The following PTPRD variants were observed in gnomAD, a reference collection of about 807,000 sequenced individuals.
PTPRD encodes the protein protein tyrosine phosphatase receptor type D, also known as receptor-type tyrosine-protein phosphatase delta.
PTPRD carries 34 observed loss-of-function variants against 214.5 expected under a neutral mutation model. The observed-to-expected ratio is 0.16, with a 90% CI of 0.12 to 0.21. PTPRD has a LOEUF of 0.21. Ranked by LOEUF, PTPRD falls within the 10% of genes least tolerant of loss-of-function variation. The pLI, the probability that PTPRD is intolerant of heterozygous loss-of-function variation, is 1.00. For missense variants in PTPRD, 2,545 were observed against 2,398.7 expected (o/e 1.06, Z -1.27); for synonymous variants, 1,128 against 845.7 (o/e 1.33, Z -5.79).
chr9:10,476,247 C>G (rs2099061864), intron 2 of PTPRD, among the ~76,000 whole-genome samples: 1 of 152,132 alleles, frequency 6.6e-6, no homozygotes, highest in African/African-American at 2.4e-5. Context: ...ATAGTCTCAG[C>G]CCAAAAACTC....
At chr9:9,578,063 A>G (rs1414638889) in intron 7 of PTPRD, among the ~76,000 whole-genome samples, 2 of 150,628 alleles carry the variant, frequency 1.3e-5, no homozygotes, top group East Asian at 3.9e-4. Flanking sequence ...AAAAAAAAAA[A>G]AAAAAAAAGA....
chr9:9,539,035 G>C (rs557189376), intron 8 of PTPRD, among the ~76,000 whole-genome samples: 1 of 151,806 alleles, frequency 6.6e-6, no homozygotes, highest in Non-Finnish European at 1.5e-5. Flanking sequence ...AAGTATGCCA[G>C]ACAAAAATTA....
At chr9:8,438,579 G>A (rs1411708183) in intron 34 of PTPRD, 1 of 152,172 alleles carries the variant, frequency 6.6e-6, no homozygotes, top group South Asian at 2.1e-4. Flanking sequence ...CACCCCCAAC[G>A]AAAAGAATGG....
chr9:8,813,839 G>T (rs902586999), intron 11 of PTPRD, among the ~76,000 whole-genome samples: 3 of 152,224 alleles, frequency 2.0e-5, no homozygotes, highest in Admixed American at 1.3e-4. Flanking sequence ...GCTTACTGAG[G>T]AAGAAATTTA....
At position 8,507,341 on chromosome 9, in the gene PTPRD, T is replaced by G; in HGVS notation, c.1637A>C (p.Asn546Thr). The G allele has an allele frequency of 2.5e-6, 4 of 1,614,002 alleles. No individual in the cohort carries two copies. The highest frequency in any genetic ancestry group is 3.4e-6 in the Non-Finnish European group (4 of 1,179,876). ...CCCATCTTTGTAGACCAGTTCATAGTTGGCAATGGTATCTGAACGTGGAGG... is the reference window on the plus strand; with the variant it reads ...CCCATCTTTGTAGACCAGTTCATAGGTGGCAATGGTATCTGAACGTGGAGG... ...WTPPRSDTIA[N>T]YELVYKDGEH... Residue 546 changes from asparagine to threonine, a missense_variant, in exon 22 of 46, where the codon AAC becomes ACC. Physicochemically the swap from Asn to Thr is moderately conservative, Grantham distance 65. Transcript: ENST00000381196.
chr9:9,259,588 T>C (rs1404326455), intron 9 of PTPRD, among the ~76,000 whole-genome samples: 2 of 151,884 alleles, frequency 1.3e-5, no homozygotes, highest in East Asian at 3.9e-4. Context: ...TGATTTGAAG[T>C]ATGTCATTGA....
chr9:10,502,934 G>C (rs1253025678), intron 2 of PTPRD, among the ~76,000 whole-genome samples: 1 of 151,912 alleles, frequency 6.6e-6, no homozygotes, highest in African/African-American at 2.4e-5. Context: ...ATAGCAGAAA[G>C]CCATAGATTC....
intron 4 of PTPRD, among the ~76,000 whole-genome samples, chr9:9,982,097 G>A (rs1223433304): frequency 6.6e-6 from 1 of 152,168 alleles, no homozygotes; most frequent in Non-Finnish European, 1.5e-5. Context: ...TTGGTGGACA[G>A]CTTCTTGAGC....
Position 9,455,253 on chromosome 9 carries a change from T to C in PTPRD, c.-236-57771A>G, listed in dbSNP as rs144109187. On this transcript the variant is annotated intron_variant, in intron 8 of 45. Transcript: ENST00000381196. ...ACATTGAGAGATGTAGATGGGAAAA[T>C]GAAGTAATTAGGCACCTTGCCTCAT... 7.9e-5 allele frequency among the ~76,000 whole-genome samples: 12 copies of C among 151,644 alleles called. No individual in the cohort carries two copies. The East Asian group carries it at 1.9e-3, about 25-fold the overall frequency.
At chr9:10,119,408 T>C (rs1554674858) in intron 3 of PTPRD, among the ~76,000 whole-genome samples, 1 of 152,020 alleles carries the variant, frequency 6.6e-6, no homozygotes, top group Non-Finnish European at 1.5e-5. Context: ...TAAAAGGATA[T>C]CATGCATTCT....
intron 11 of PTPRD, among the ~76,000 whole-genome samples, chr9:8,952,674 TC>T (rs1344160272): frequency 6.6e-6 from 1 of 151,840 alleles, no homozygotes; most frequent in African/African-American, 2.4e-5. Flanking sequence ...GGCAGAGGTA[TC>T]TTTACAGGAA....
chr9:8,422,098 G>GAT (rs1042359596), intron 35 of PTPRD, among the ~76,000 whole-genome samples: 1 of 123,290 alleles, frequency 8.1e-6, no homozygotes, highest in African/African-American at 3.2e-5. Context: ...CGTGAACCCT[G>GAT]ATGGTGCCAC....
intron 3 of PTPRD, among the ~76,000 whole-genome samples, chr9:10,335,938 A>G (rs1364175347): frequency 6.6e-6 from 1 of 151,758 alleles, no homozygotes; most frequent in Non-Finnish European, 1.5e-5. Context: ...TACTGAAAAC[A>G]CTAAATGCTG....
At chr9:10,137,711 A>G (rs200288419) in intron 3 of PTPRD, among the ~76,000 whole-genome samples, 1 of 85,630 alleles carries the variant, frequency 1.2e-5, no homozygotes, top group Non-Finnish European at 2.3e-5. Flanking sequence ...TAAAAAAAAA[A>G]AAAAAAAAAA....
chr9:10,577,137 A>G (rs903829393), intron 2 of PTPRD, among the ~76,000 whole-genome samples: 2 of 152,084 alleles, frequency 1.3e-5, no homozygotes, highest in Admixed American at 6.6e-5. Flanking sequence ...GGGTACTTTT[A>G]TGGAAAGAAA....
At chr9:8,479,625 T>C (rs1425095441) in intron 30 of PTPRD, among the ~76,000 whole-genome samples, 1 of 152,150 alleles carries the variant, frequency 6.6e-6, no homozygotes, top group African/African-American at 2.4e-5. Context: ...AAAATGAAAC[T>C]AAAGTTTACC....
chr9:10,193,379 G>T (rs1326945402), intron 3 of PTPRD, among the ~76,000 whole-genome samples: 1 of 151,930 alleles, frequency 6.6e-6, no homozygotes, highest in Admixed American at 6.6e-5. Context: ...CGGTTGGGCT[G>T]GGATGAAGGA....
At chr9:9,169,097 A>T (rs1199079114) in intron 10 of PTPRD, among the ~76,000 whole-genome samples, 1 of 152,068 alleles carries the variant, frequency 6.6e-6, no homozygotes, top group African/African-American at 2.4e-5. Context: ...AATTTATATT[A>T]GCCTTCTAAT....
At chr9:8,430,548 A>C (rs1227235158) in intron 35 of PTPRD, among the ~76,000 whole-genome samples, 1 of 151,836 alleles carries the variant, frequency 6.6e-6, no homozygotes, top group African/African-American at 2.4e-5. Context: ...AAGTGCTGGG[A>C]TTACAGGTGT....
Sources: allele counts gnomAD v4.1 joint callset (sites outside exome capture counted in the v4.1 genomes callset), GRCh38; gene constraint gnomAD v4.1.1; transcripts MANE v1.5; gene names NCBI Gene and HGNC (gene_info 2026-07-23, HGNC 2026-07-21).